Variants in CACNB4 observed in about 807,000 individuals in gnomAD.
CACNB4 encodes the protein voltage-dependent L-type calcium channel subunit beta-4.
A neutral mutation model predicts 71.2 loss-of-function variants in CACNB4; 32 were observed. That is an observed-to-expected ratio of 0.45 (90% CI 0.34 to 0.60). The LOEUF (loss-of-function observed/expected upper bound fraction) is 0.60. Among genes scored for constraint, CACNB4 ranks in the 20% least tolerant of loss-of-function variants. The probability of loss-of-function intolerance (pLI) is 0.01; values close to 1 mark genes in which losing one functional copy is unlikely to be tolerated. For missense variants in CACNB4, 464 were observed against 647.9 expected (o/e 0.72, Z 3.08); for synonymous variants, 231 against 236.9 (o/e 0.97, Z 0.23).
chr2:151,919,123 C>G (rs938613864), intron 2 of CACNB4, among the ~76,000 whole-genome samples: 4 of 152,192 alleles, frequency 2.6e-5, no homozygotes, highest in African/African-American at 9.7e-5. Flanking sequence ...AGATCATGTT[C>G]AGTTCTACAT....
intron 9 of CACNB4, chr2:151,866,152 T>C (rs2099843052): frequency 6.6e-6 from 1 of 152,182 alleles, no homozygotes; most frequent in Non-Finnish European, 1.5e-5. Context: ...AATAAAATTG[T>C]ATAATAAGTA....
At chr2:152,081,837 C>T (rs1370181310) in intron 2 of CACNB4, among the ~76,000 whole-genome samples, 2 of 152,196 alleles carry the variant, frequency 1.3e-5, no homozygotes, top group Non-Finnish European at 2.9e-5. Context: ...ATAAAGGCAA[C>T]TTTGCTGAAC....
At chr2:151,866,038 G>A (rs2099843021) in intron 9 of CACNB4, 4 of 152,164 alleles carry the variant, frequency 2.6e-5, no homozygotes, top group African/African-American at 9.7e-5. Flanking sequence ...GCCCACCTGG[G>A]CCTCCCAAAG....
At chr2:151,986,227 A>C (rs1269787162) in intron 2 of CACNB4, among the ~76,000 whole-genome samples, 1 of 152,166 alleles carries the variant, frequency 6.6e-6, no homozygotes, top group Non-Finnish European at 1.5e-5. Context: ...ATTTCTAAGA[A>C]TGCTCTTGTT....
intron 12 of CACNB4, among the ~76,000 whole-genome samples, chr2:151,849,051 C>T (rs2099838349): frequency 6.6e-6 from 1 of 152,088 alleles, no homozygotes; most frequent in Non-Finnish European, 1.5e-5. Flanking sequence ...CCCTAGGTCC[C>T]CTTTTGTCTG....
chr2:151,904,418 C>A (rs2099854253), intron 2 of CACNB4, among the ~76,000 whole-genome samples: 1 of 151,544 alleles, frequency 6.6e-6, no homozygotes, highest in Admixed American at 6.6e-5. Context: ...TAATAAATGC[C>A]ATGTTATTCA....
In CACNB4 at chr2:151,834,106, C is replaced by T. The variant is rs1048025610; in HGVS notation, c.*5013G>A. 5.3e-5 allele frequency: 8 copies of T among 151,600 alleles called. 1 individual carries two copies. The highest frequency in any genetic ancestry group is 4.4e-5 in the Non-Finnish European group (3 of 67,902). 9.4% of individuals were successfully genotyped at this position (151,600 alleles called of 1,614,324 possible). A position where few individuals can be genotyped will look rare whatever the true frequency, so the allele number is the denominator to read the frequency against. On this transcript the variant is annotated 3_prime_UTR_variant, in exon 14 of 14. Coordinates refer to ENST00000539935, the MANE Select transcript of CACNB4 (RefSeq NM_000726.5). The stretch of plus-strand genomic sequence containing the variant: ...GGCCCCTACATAAATATAGACATAG[C>T]CATTTGTTGAGAAATTTAAGTGTTC...
At chr2:151,950,935 C>T (rs1175223029) in intron 2 of CACNB4, among the ~76,000 whole-genome samples, 3 of 152,038 alleles carry the variant, frequency 2.0e-5, no homozygotes, top group Non-Finnish European at 1.5e-5. Context: ...CTGAATTGTT[C>T]ATTTATTTAT....
chr2:152,039,780 A>T (rs1230679914), intron 2 of CACNB4, among the ~76,000 whole-genome samples: 1 of 152,264 alleles, frequency 6.6e-6, no homozygotes, highest in African/African-American at 2.4e-5. Flanking sequence ...CTCAGGGAAA[A>T]CTACGTAAGT....
chr2:152,029,875 C>G (rs1477573558), intron 2 of CACNB4, among the ~76,000 whole-genome samples: 1 of 152,216 alleles, frequency 6.6e-6, no homozygotes, highest in Non-Finnish European at 1.5e-5. Context: ...CTACCAACAC[C>G]TTGATCTCGG....
At chr2:151,863,906 A>G (rs1158634440) in intron 9 of CACNB4, among the ~76,000 whole-genome samples, 2 of 152,198 alleles carry the variant, frequency 1.3e-5, no homozygotes, top group Non-Finnish European at 2.9e-5. Context: ...AGCCCTAGAA[A>G]ACCTTCAGTA....
At chr2:152,009,489 G>A (rs1336704266) in intron 2 of CACNB4, among the ~76,000 whole-genome samples, 1 of 152,120 alleles carries the variant, frequency 6.6e-6, no homozygotes, top group Non-Finnish European at 1.5e-5. Context: ...ACCATAGTAA[G>A]GTAAGATGTT....
chr2:152,090,010 G>A (rs1357320798), intron 2 of CACNB4, among the ~76,000 whole-genome samples: 1 of 152,216 alleles, frequency 6.6e-6, no homozygotes, highest in Non-Finnish European at 1.5e-5. Context: ...CTTCATGAAT[G>A]TGAGTGAGTT....
intron 2 of CACNB4, 155 bp from the exon 3 acceptor site, chr2:151,883,525 T>C (rs1369676495): frequency 1.4e-6 from 1 of 703,258 alleles, no homozygotes. Context: ...TGGCAGAATA[T>C]AGTTAAGCAT....
chr2:152,027,864 A>G (rs1579158491), intron 2 of CACNB4, among the ~76,000 whole-genome samples: 2 of 137,618 alleles, frequency 1.5e-5, no homozygotes, highest in African/African-American at 7.1e-5. Flanking sequence ...AAAAAAAAAA[A>G]AAAAAAAAAA....
chr2:151,911,286 CCTTT>C (rs1351276093), intron 2 of CACNB4, among the ~76,000 whole-genome samples: 5 of 152,220 alleles, frequency 3.3e-5, no homozygotes, highest in South Asian at 4.1e-4. Flanking sequence ...ATTTGAATAC[CCTTT>C]CTTTCTTTCT....
At position 151,838,127 on chromosome 2, in the gene CACNB4, T is replaced by C. The variant is rs1214720229; in HGVS notation, c.*992A>G. On this transcript the variant is annotated 3_prime_UTR_variant, in exon 14 of 14. Transcript: ENST00000539935. ...GACCCTGCGTTTGTGTTAAGTGAAA[T>C]AGATGAATTCCCACCTGGAAGTGTT... 1 of 152,402 alleles carries C rather than the reference T, an allele frequency of 6.6e-6. No homozygotes were observed. The highest frequency in any genetic ancestry group is 1.5e-5 in the Non-Finnish European group (1 of 68,010). 9.4% of individuals were successfully genotyped at this position (152,402 alleles called of 1,614,324 possible).
intron 12 of CACNB4, among the ~76,000 whole-genome samples, chr2:151,848,246 T>C (rs1346253483): frequency 6.6e-6 from 1 of 152,208 alleles, no homozygotes; most frequent in Non-Finnish European, 1.5e-5. Flanking sequence ...CTGAAATCCC[T>C]GGAAAAGGTG....
At chr2:151,971,565 T>C (rs1218705665) in intron 2 of CACNB4, 2 of 703,034 alleles carry the variant, frequency 2.8e-6, no homozygotes, top group South Asian at 1.5e-5. Flanking sequence ...GCATTGGCAC[T>C]GAGAAAGACT....
Sources: gnomAD v4.1 joint callset for allele counts (sites outside exome capture counted in the v4.1 genomes callset) on GRCh38, gnomAD v4.1.1 for gene constraint, MANE v1.5 for transcripts, NCBI Gene and HGNC (gene_info 2026-07-23, HGNC 2026-07-21) for gene names.